Variants in PAK6 observed in about 807,000 individuals in gnomAD.
The protein encoded by PAK6 is p21 (RAC1) activated kinase 6.
A neutral mutation model predicts 60.8 loss-of-function variants in PAK6; 33 were observed. The ratio of observed to expected loss-of-function variants is 0.54; its 90% CI spans 0.41 to 0.73. The LOEUF (loss-of-function observed/expected upper bound fraction) is 0.73, where lower values mean the gene tolerates loss of function less well. PAK6 is among the 30% of genes least tolerant of loss of function. The probability of loss-of-function intolerance (pLI) is 0.00; values close to 1 mark genes in which losing one functional copy is unlikely to be tolerated. For missense variants in PAK6, 845 were observed against 904.1 expected (o/e 0.93, Z 0.84); for synonymous variants, 404 against 378.5 (o/e 1.07, Z -0.78).
At chr15:40,275,304 G>A (rs1192680427) in intron 10 of PAK6, among the ~76,000 whole-genome samples, 2 of 1,198 alleles carry the variant, frequency 1.7e-3, no homozygotes, top group Non-Finnish European at 0.012. Flanking sequence ...TTTTTTTTTG[G>A]AGATGGAGTC....
At chr15:40,244,329 CA>C (rs371932572) in intron 2 of PAK6, among the ~76,000 whole-genome samples, 99,477 of 110,650 alleles carry the variant, frequency 0.9, 44,557 homozygotes, top group East Asian at 0.98. Flanking sequence ...GACTCTGTCT[CA>C]AAAAAAAAAA....
chr15:40,276,123 G>A lies in PAK6; in HGVS notation c.*29G>A, dbSNP rs771451960. ...CACCCCAAGTATGCCTGCCACCTAC[G>A]CCCACAGGCAGGGCACACTGGGCAG... On this transcript the variant is annotated 3_prime_UTR_variant, in exon 11 of 11. Transcript: ENST00000560346. 4.4e-6 allele frequency: 7 copies of A among 1,606,782 alleles called. No homozygotes were observed. In the East Asian group the frequency reaches 8.9e-5, roughly 21 times the overall value.
intron 3 of PAK6, among the ~76,000 whole-genome samples, chr15:40,254,090 A>G (rs900054): frequency 0.24 from 36,365 of 152,162 alleles, 5,211 homozygotes; most frequent in Non-Finnish European, 0.34. Context: ...CCGAAGACAC[A>G]TTTGGAACCG....
intron 3 of PAK6, among the ~76,000 whole-genome samples, chr15:40,261,065 G>T (rs57642694): frequency 0.19 from 28,287 of 151,298 alleles, 4,073 homozygotes; most frequent in East Asian, 0.61. Flanking sequence ...ATGTTTTGTA[G>T]TTTTAGTAGA....
chr15:40,276,173 GCCT>G (rs958052358), exon 11 of PAK6: 7 of 1,317,548 alleles, frequency 5.3e-6, no homozygotes, highest in African/African-American at 2.9e-5. Flanking sequence ...GGACTTGCCT[GCCT>G]CCTCCTCTCA....
At chr15:40,253,599 A>G (rs1272147857) in intron 3 of PAK6, among the ~76,000 whole-genome samples, 1 of 152,214 alleles carries the variant, frequency 6.6e-6, no homozygotes, top group Non-Finnish European at 1.5e-5. Context: ...ACCGCGGCAG[A>G]GTGCAGGGAA....
chr15:40,240,256 T>G (rs1483306399), intron 1 of PAK6, among the ~76,000 whole-genome samples: 1 of 152,170 alleles, frequency 6.6e-6, no homozygotes, highest in East Asian at 1.9e-4. Flanking sequence ...TCAGCACCCA[T>G]GTGCGTCTCT....
intron 5 of PAK6, among the ~76,000 whole-genome samples, chr15:40,271,073 T>A (rs2039287441): frequency 6.6e-6 from 1 of 152,210 alleles, no homozygotes; most frequent in Non-Finnish European, 1.5e-5. Context: ...ACTGGGCACC[T>A]AAGACAATGG....
intron 2 of PAK6, chr15:40,252,373 G>C (rs1176586629): frequency 7.6e-7 from 1 of 1,316,156 alleles, no homozygotes. Context: ...CCAGGCCAGG[G>C]CCCGGAGGCG....
intron 2 of PAK6, chr15:40,244,857 A>G (rs2038455379): frequency 2.0e-5 from 3 of 152,180 alleles, no homozygotes; most frequent in Non-Finnish European, 4.4e-5. Context: ...ACTACATGAG[A>G]GGCCGCAACT....
intron 4 of PAK6, 48 bp downstream of exon 4, chr15:40,265,037 A>T: frequency 6.4e-7 from 1 of 1,556,266 alleles, no homozygotes; most frequent in Non-Finnish European, 8.8e-7. Context: ...CAGTACTCAG[A>T]CAACCATGCC....
exon 5 of PAK6, chr15:40,266,388 A>T: frequency 1.9e-6 from 3 of 1,613,004 alleles, no homozygotes; most frequent in Non-Finnish European, 2.5e-6. Flanking sequence ...TAGCCCTAAG[A>T]CCCGGGAGAG....
chr15:40,254,489 G>A (rs1271830524), intron 3 of PAK6, among the ~76,000 whole-genome samples: 1 of 152,200 alleles, frequency 6.6e-6, no homozygotes, highest in Non-Finnish European at 1.5e-5. Flanking sequence ...AGAGGATCTG[G>A]CTTGGGCATC....
chr15:40,254,242 G>A (rs997833618), intron 3 of PAK6, among the ~76,000 whole-genome samples: 2 of 152,184 alleles, frequency 1.3e-5, no homozygotes, highest in Non-Finnish European at 2.9e-5. Flanking sequence ...GTTGTGGGGA[G>A]TAACTGCCTC....
intron 5 of PAK6, among the ~76,000 whole-genome samples, chr15:40,270,753 G>C (rs1324057653): frequency 6.6e-6 from 1 of 152,242 alleles, no homozygotes; most frequent in African/African-American, 2.4e-5. Context: ...TCCTGTGAAG[G>C]TCAAGCACAC....
chr15:40,242,715 G>A (rs1484087581), intron 2 of PAK6, among the ~76,000 whole-genome samples: 3 of 152,194 alleles, frequency 2.0e-5, no homozygotes, highest in Non-Finnish European at 2.9e-5. Flanking sequence ...CTGAGGAGGT[G>A]CCCTCCACCC....
chr15:40,259,333 A>C (rs4923858), intron 3 of PAK6: 145,389 of 152,394 alleles, frequency 0.95, 69,414 homozygotes, highest in East Asian at 0.99. Context: ...ACCGGGTGGG[A>C]GTGCTCTGAG....
At position 40,276,340 on chromosome 15, in the gene PAK6, A is replaced by G. The variant is rs2039454410; in HGVS notation, c.*246A>G. On this transcript the variant is annotated 3_prime_UTR_variant, in exon 11 of 11. Coordinates refer to ENST00000560346, the Ensembl canonical transcript of PAK6. Reference sequence around the variant, plus strand: ...CAGGATGACCCCTTGATATTTGCACAGGGATATTTCTAAGAAACGCAGAGG... The same window carrying G: ...CAGGATGACCCCTTGATATTTGCACGGGGATATTTCTAAGAAACGCAGAGG... The G allele has an allele frequency of 2.5e-5, 13 of 520,700 alleles. No individual in the cohort carries two copies. The South Asian group carries it at 3.5e-4, about 14-fold the overall frequency. 32.3% of individuals were successfully genotyped at this position (520,700 alleles called of 1,614,324 possible). A position where few individuals can be genotyped will look rare whatever the true frequency, so the allele number is the denominator to read the frequency against.
At chr15:40,262,480 G>A (rs558031174) in intron 3 of PAK6, among the ~76,000 whole-genome samples, 2 of 152,110 alleles carry the variant, frequency 1.3e-5, no homozygotes, top group Non-Finnish European at 2.9e-5. Flanking sequence ...CTCCAGTCTG[G>A]GCGACAGGGC....
Sources: allele counts gnomAD v4.1 joint callset (sites outside exome capture counted in the v4.1 genomes callset), GRCh38; gene constraint gnomAD v4.1.1; transcripts MANE v1.5; gene names NCBI Gene and HGNC (gene_info 2026-07-23, HGNC 2026-07-21).